Variants in CCDC40 observed in about 807,000 individuals in gnomAD.
The protein encoded by CCDC40 is coiled-coil domain-containing protein 40.
Under a neutral mutation model 124.5 loss-of-function variants are expected in CCDC40, and 104 were observed. The observed-to-expected ratio is 0.84, with a 90% CI of 0.71 to 0.98. The LOEUF (loss-of-function observed/expected upper bound fraction) is 0.98. Ranked by LOEUF, CCDC40 falls within the 50% of genes least tolerant of loss-of-function variation. The pLI is 0.00. For missense variants in CCDC40, 1,463 were observed against 1,503.9 expected, an observed-to-expected ratio of 0.97 and a Z score of 0.45; for synonymous variants, 580 against 602.9, an observed-to-expected ratio of 0.96 and a Z score of 0.56.
chr17:80,081,122 C>T (rs916554185), intron 10 of CCDC40, among the ~76,000 whole-genome samples: 5 of 152,264 alleles, frequency 3.3e-5, no homozygotes, highest in Middle Eastern at 6.8e-3. Context: ...GCGGCTCACA[C>T]CTGTAATCCC....
At chr17:80,037,188 C>T (rs537799154) in intron 1 of CCDC40, among the ~76,000 whole-genome samples, 2 of 152,238 alleles carry the variant, frequency 1.3e-5, no homozygotes, top group South Asian at 4.1e-4. Flanking sequence ...GGGGGTGACC[C>T]GCGATGGGAG....
intron 4 of CCDC40, among the ~76,000 whole-genome samples, chr17:80,048,215 A>G (rs3829607): frequency 0.32 from 48,582 of 152,066 alleles, 10,533 homozygotes; most frequent in African/African-American, 0.62. Flanking sequence ...AGCCGAGATC[A>G]CGCCACTGCA....
At chr17:80,067,247 C>T (rs1185300064) in intron 10 of CCDC40, 1 of 445,010 alleles carries the variant, frequency 2.2e-6, no homozygotes, top group African/African-American at 2.0e-5. Flanking sequence ...CCTCATTGCC[C>T]TCAGAGACAT....
At chr17:80,053,017 C>T (rs560103751) in intron 7 of CCDC40, among the ~76,000 whole-genome samples, 1 of 152,276 alleles carries the variant, frequency 6.6e-6, no homozygotes, top group South Asian at 2.1e-4. Context: ...GGAAATAGAG[C>T]AAAACCCCAA....
At chr17:80,082,153 T>C in intron 12 of CCDC40, 95 bp downstream of exon 12, 2 of 1,095,786 alleles carry the variant, frequency 1.8e-6, no homozygotes, top group Non-Finnish European at 2.8e-6. Flanking sequence ...GCGGAGTCAG[T>C]GTGAGCAGAG....
At position 80,099,591 on chromosome 17, in the gene CCDC40, G is replaced by A. The variant is rs773033304; in HGVS notation, c.3245G>A (p.Arg1082His). The stretch of plus-strand genomic sequence containing the variant: ...CACCTGCAGGCTGTGAAGGAGGGGC[G>A]CTACGTGTTCCTGTTCCGCTCCAAG... ...LKHLQAVKEG[R>H]YVFLFRSKQS... The change falls in exon 20 of 20, where the codon CGC (arginine) becomes CAC (histidine). Residue 1082 changes from arginine (R) to histidine (H), a missense_variant. By Grantham distance (29) the Arg-to-His change is conservative. Coordinates refer to ENST00000397545, the MANE Select transcript of CCDC40 (RefSeq NM_017950.4). 187 of 1,613,388 alleles carry A rather than the reference G, an allele frequency of 1.2e-4. 3 individuals are homozygous for A. The South Asian group carries it at 1.9e-3, about 17-fold the overall frequency.
intron 17 of CCDC40, chr17:80,090,437 C>G (rs1251199490): frequency 5.1e-6 from 1 of 195,636 alleles, no homozygotes; most frequent in Non-Finnish European, 6.7e-6. Flanking sequence ...ATGAACAACA[C>G]AGGACACACA....
At chr17:80,059,488 T>TAAA (rs538629976) in intron 9 of CCDC40, among the ~76,000 whole-genome samples, 1 of 120,866 alleles carries the variant, frequency 8.3e-6, no homozygotes, top group Non-Finnish European at 1.8e-5. Context: ...TACTGCAACT[T>TAAA]AAAAAAAAAA....
Position 80,039,925 on chromosome 17 carries a change from G to T in CCDC40, c.207G>T (p.Val69=), listed in dbSNP as rs2289527. 36 of 1,613,430 alleles carry T rather than the reference G, an allele frequency of 2.2e-5. No individual in the cohort carries two copies. In the Middle Eastern group the frequency reaches 1.2e-3, roughly 52 times the overall value. The change falls in exon 3 of 20, where the codon GTG becomes GTT. Residue 69 remains valine (V), a synonymous_variant. Coordinates refer to ENST00000397545, the MANE Select transcript of CCDC40 (RefSeq NM_017950.4). ...QAEAAIEEGE[V]ETEGEAAVEG... ...AAGCTGCAATTGAAGAGGGGGAGGT[G>T]GAGACAGAAGGGGAAGCAGCAGTGG...
intron 10 of CCDC40, among the ~76,000 whole-genome samples, chr17:80,079,475 C>T (rs117215264): frequency 1.7e-4 from 26 of 152,178 alleles, no homozygotes; most frequent in Admixed American, 7.2e-4. Flanking sequence ...TAGAAATCAC[C>T]GTTGTTCTTT....
At chr17:80,076,037 A>C (rs1160117403) in intron 10 of CCDC40, among the ~76,000 whole-genome samples, 1 of 152,224 alleles carries the variant, frequency 6.6e-6, no homozygotes, top group Non-Finnish European at 1.5e-5. Flanking sequence ...CTTGAGGTGG[A>C]ATCTGCTCCT....
In CCDC40 at chr17:80,087,268, G is replaced by T; in HGVS notation, c.2450-339G>T. 1 of 401,238 alleles carries T rather than the reference G, an allele frequency of 2.5e-6. No individual in the cohort carries two copies. Among genetic ancestry groups the T allele is most frequent in the Non-Finnish European group, 4.7e-6 (1 of 211,528 alleles). 24.9% of individuals were successfully genotyped at this position (401,238 alleles called of 1,614,324 possible). ...AGTGTCTGAGCATCAACCAGGTCCC[G>T]GTGCTCCACAGATTTGCAAGTGTCT... On this transcript the variant is annotated intron_variant, in intron 14 of 19. Transcript: ENST00000397545. This position sits in a 1 kb window ranked among gnomAD's most constrained non-coding sequence, Gnocchi z 4.5.
chr17:80,040,944 G>C (rs1168491612), intron 3 of CCDC40, among the ~76,000 whole-genome samples: 1 of 152,194 alleles, frequency 6.6e-6, no homozygotes, highest in East Asian at 1.9e-4. Context: ...AACTGTTTAA[G>C]ATTCTAATTT....
At chr17:80,063,489 T>C (rs993149117) in intron 9 of CCDC40, among the ~76,000 whole-genome samples, 6 of 152,116 alleles carry the variant, frequency 3.9e-5, no homozygotes, top group African/African-American at 1.4e-4. Context: ...AGGGGCACCA[T>C]GGGGAGGCCT....
rs368028005 is a variant in CCDC40 at position 80,097,254 on chromosome 17, G to C, written c.3031G>C (p.Glu1011Gln). Reference protein sequence around the residue: ...KIRDVRKATDECTKTVLELEE... With the variant: ...KIRDVRKATDQCTKTVLELEE... ...CCTGTGATTCTCCTAGGCCACCGAT[G>C]AGTGCACCAAAACCGTCCTGGAACT... The change falls in exon 19 of 20, where the codon GAG becomes CAG. Residue 1011 changes from glutamate (E) to glutamine (Q), a missense_variant. Glu to Gln is a conservative substitution (Grantham distance 29, BLOSUM62 2). Coordinates refer to ENST00000397545, the MANE Select transcript of CCDC40 (RefSeq NM_017950.4). 3 of 1,613,800 alleles carry C rather than the reference G, an allele frequency of 1.9e-6. No homozygotes were observed. Among genetic ancestry groups the C allele is most frequent in the Non-Finnish European group, 2.5e-6 (3 of 1,180,008 alleles).
At chr17:80,063,410 C>T (rs894180335) in intron 9 of CCDC40, among the ~76,000 whole-genome samples, 3 of 152,110 alleles carry the variant, frequency 2.0e-5, no homozygotes, top group African/African-American at 7.2e-5. Context: ...TGACTGAGCC[C>T]GGCAGCCATC....
intron 10 of CCDC40, among the ~76,000 whole-genome samples, chr17:80,074,652 C>T (rs1163506647): frequency 6.6e-6 from 1 of 152,156 alleles, no homozygotes; most frequent in African/African-American, 2.4e-5. Flanking sequence ...TGTACCTGGT[C>T]ACCCAAGAGT....
At chr17:80,055,848 C>T (rs577939549) in intron 7 of CCDC40, among the ~76,000 whole-genome samples, 4 of 150,572 alleles carry the variant, frequency 2.7e-5, no homozygotes, top group South Asian at 2.1e-4. Flanking sequence ...GACAGCGAGA[C>T]GCATCTTGCT....
chr17:80,042,539 A>G (rs8070467), intron 3 of CCDC40, among the ~76,000 whole-genome samples: 8,838 of 152,244 alleles, frequency 0.058, 802 homozygotes, highest in African/African-American at 0.2. Context: ...AAAGTCCCTC[A>G]CTAGTTAGAC....
Sources: gnomAD v4.1 joint callset for allele counts (sites outside exome capture counted in the v4.1 genomes callset) on GRCh38, gnomAD v4.1.1 for gene constraint, Gnocchi (gnomAD v3.1) non-coding constraint, MANE v1.5 for transcripts, NCBI Gene and HGNC (gene_info 2026-07-23, HGNC 2026-07-21) for gene names.